The following MYO3B variants were observed in gnomAD, a reference collection of about 807,000 sequenced individuals.
MYO3B encodes myosin-IIIb.
Under a neutral mutation model 174.6 loss-of-function variants are expected in MYO3B, and 156 were observed. That is an observed-to-expected ratio of 0.89 (90% confidence interval 0.78 to 1.02). The LOEUF is 1.02. Among genes scored for constraint, MYO3B ranks in the 50% least tolerant of loss-of-function variants. The pLI is 0.00. For missense variants in MYO3B, 1,632 were observed against 1,639.4 expected, an observed-to-expected ratio of 1.00 and a Z score of 0.08; for synonymous variants, 563 against 569.1, an observed-to-expected ratio of 0.99 and a Z score of 0.15.
intron 7 of MYO3B, among the ~76,000 whole-genome samples, chr2:170,279,860 C>G (rs1176330411): frequency 6.6e-6 from 1 of 152,124 alleles, no homozygotes; most frequent in Admixed American, 6.6e-5. Flanking sequence ...TTTATCCAGT[C>G]TACCACTGAT....
At chr2:170,529,301 A>G (rs2106166513) in intron 30 of MYO3B, among the ~76,000 whole-genome samples, 1 of 152,094 alleles carries the variant, frequency 6.6e-6, no homozygotes, top group East Asian at 1.9e-4. Context: ...ACAAACCCCC[A>G]TGACACAAGT....
chr2:170,405,504 A>ATAAT, intron 20 of MYO3B, 41 bp from the exon 21 acceptor site: 2 of 1,598,574 alleles, frequency 1.3e-6, no homozygotes, highest in Non-Finnish European at 1.7e-6. Flanking sequence ...GAAAGAGGAA[A>ATAAT]TAATTCACAT....
rs11889556 is a variant in MYO3B at position 170,379,194 on chromosome 2, A to T, written c.972-2822A>T. Among the ~76,000 whole-genome samples, 10 of 77,070 alleles carry T rather than the reference A, an allele frequency of 1.3e-4. 1 individual carries two copies. The highest frequency in any genetic ancestry group is 2.4e-4 in the Non-Finnish European group (8 of 33,216). 50.6% of individuals were successfully genotyped at this position (77,070 alleles called of 152,430 possible). The stretch of plus-strand genomic sequence containing the variant: ...AATTATTTCATGAAAATGTGGTACA[A>T]TTTTTTTTTTTTTTTTTTTGAGACG... On this transcript the variant is annotated intron_variant, in intron 9 of 34. Coordinates refer to ENST00000408978, the MANE Select transcript of MYO3B (RefSeq NM_138995.5).
intron 6 of MYO3B, among the ~76,000 whole-genome samples, chr2:170,227,193 A>G (rs1042094515): frequency 1.3e-5 from 2 of 152,186 alleles, no homozygotes; most frequent in African/African-American, 4.8e-5. Flanking sequence ...ACCTCAGAGG[A>G]GCCTTGAGTA....
intron 32 of MYO3B, among the ~76,000 whole-genome samples, chr2:170,646,046 T>C (rs951407354): frequency 6.6e-6 from 1 of 151,866 alleles, no homozygotes; most frequent in Non-Finnish European, 1.5e-5. Flanking sequence ...CTGAGGCAGG[T>C]GGATCACCTG....
At chr2:170,241,313 T>C (rs1023770570) in intron 7 of MYO3B, among the ~76,000 whole-genome samples, 8 of 152,216 alleles carry the variant, frequency 5.3e-5, no homozygotes, top group African/African-American at 1.7e-4. Flanking sequence ...TGTGGCTAAA[T>C]AGAGCTGTAT....
At chr2:170,483,774 C>T (rs1315349495) in intron 25 of MYO3B, among the ~76,000 whole-genome samples, 1 of 152,056 alleles carries the variant, frequency 6.6e-6, no homozygotes, top group Non-Finnish European at 1.5e-5. Flanking sequence ...GTGAGGAAAC[C>T]TCCTGGCATG....
intron 22 of MYO3B, among the ~76,000 whole-genome samples, chr2:170,410,332 GAGGCAGGCGGATCACA>G (rs2094537156): frequency 6.6e-6 from 1 of 152,062 alleles, no homozygotes; most frequent in Non-Finnish European, 1.5e-5. Context: ...TTGGGAGGCC[GAGGCAGGCGGATCACA>G]AGGTGGGTGG....
intron 16 of MYO3B, among the ~76,000 whole-genome samples, chr2:170,395,847 G>C (rs2094439906): frequency 1.3e-5 from 2 of 152,222 alleles, no homozygotes; most frequent in African/African-American, 4.8e-5. Context: ...CTGTGAGCCA[G>C]GCCAAGGGGG....
At chr2:170,225,926 G>C (rs572809351) in intron 6 of MYO3B, among the ~76,000 whole-genome samples, 1 of 152,198 alleles carries the variant, frequency 6.6e-6, no homozygotes, top group African/African-American at 2.4e-5. Flanking sequence ...CCTCTGCTTA[G>C]CCTGTTCTCA....
intron 32 of MYO3B, among the ~76,000 whole-genome samples, chr2:170,544,800 A>T (rs1390405853): frequency 6.6e-6 from 1 of 152,228 alleles, no homozygotes; most frequent in Non-Finnish European, 1.5e-5. Context: ...GGTCCATTAT[A>T]GCAGAACCTT....
intron 32 of MYO3B, among the ~76,000 whole-genome samples, chr2:170,643,212 G>C (rs1698113884): frequency 6.6e-6 from 1 of 152,114 alleles, no homozygotes; most frequent in Non-Finnish European, 1.5e-5. Flanking sequence ...TATCTCTTTA[G>C]GGTTATTTGG....
chr2:170,274,499 C>T (rs547146610), intron 7 of MYO3B, among the ~76,000 whole-genome samples: 6 of 152,066 alleles, frequency 3.9e-5, no homozygotes, highest in South Asian at 2.1e-4. Flanking sequence ...TTAGTAGGCT[C>T]GGTAAATATT....
At chr2:170,394,937 ATAAAGCT>A in intron 16 of MYO3B, among the ~76,000 whole-genome samples, 1 of 152,240 alleles carries the variant, frequency 6.6e-6, no homozygotes, top group Non-Finnish European at 1.5e-5. Flanking sequence ...ACATTTCTAG[ATAAAGCT>A]TAAATGAACT....
intron 32 of MYO3B, among the ~76,000 whole-genome samples, chr2:170,577,375 C>T (rs1237354846): frequency 6.6e-6 from 1 of 152,190 alleles, no homozygotes. Flanking sequence ...TATTATACAT[C>T]TGTTACCTGG....
Position 170,224,842 on chromosome 2 carries a change from G to T in MYO3B, c.603+7447G>T, listed in dbSNP as rs2092934892. Among the ~76,000 whole-genome samples, 5 of 152,192 alleles carry T rather than the reference G, an allele frequency of 3.3e-5. 1 individual carries two copies. Among genetic ancestry groups the T allele is most frequent in the Admixed American group, 3.3e-4 (5 of 15,270 alleles). The stretch of plus-strand genomic sequence containing the variant: ...ATGGGTCTCTCTCTGCCTGGCAAAG[G>T]GTCGTTGACAAGGGACGGTTGCCAT... On this transcript the variant is annotated intron_variant, in intron 6 of 34. Transcript: ENST00000408978.
intron 30 of MYO3B, among the ~76,000 whole-genome samples, chr2:170,532,320 C>T (rs755339027): frequency 6.6e-6 from 1 of 152,158 alleles, no homozygotes; most frequent in Non-Finnish European, 1.5e-5. Context: ...AAGAACGTTA[C>T]CTCTGAATGC....
chr2:170,299,263 A>T (rs1319304733), intron 7 of MYO3B, among the ~76,000 whole-genome samples: 2 of 152,184 alleles, frequency 1.3e-5, no homozygotes, highest in African/African-American at 4.8e-5. Flanking sequence ...CCTGGAATAG[A>T]GAGACAGAGT....
At chr2:170,459,099 C>T (rs1030157009) in intron 23 of MYO3B, among the ~76,000 whole-genome samples, 2 of 152,130 alleles carry the variant, frequency 1.3e-5, no homozygotes, top group Non-Finnish European at 2.9e-5. Flanking sequence ...TGTTACAGCT[C>T]ATAAAGGCAG....
Sources: allele counts gnomAD v4.1 joint callset (sites outside exome capture counted in the v4.1 genomes callset), GRCh38; gene constraint gnomAD v4.1.1; transcripts MANE v1.5; gene names NCBI Gene and HGNC (gene_info 2026-07-23, HGNC 2026-07-21).